ASIP: variants seen among roughly 807,000 people sequenced by gnomAD.
ASIP encodes the protein agouti-signaling protein.
ASIP carries 11 observed loss-of-function variants against 10.3 expected under a neutral mutation model. The observed-to-expected ratio is 1.07, with a 90% CI of 0.68 to 1.78. The LOEUF (loss-of-function observed/expected upper bound fraction) is 1.78, where lower values mean the gene tolerates loss of function less well. Ranked by LOEUF, ASIP falls within the 40% of genes most tolerant of loss-of-function variation. The pLI is 0.00. For synonymous variants in ASIP, 70 were observed against 70.8 expected (o/e 0.99, Z 0.06); for missense variants, 180 against 169.2 (o/e 1.06, Z -0.35).
chr20:34,215,979 T>A, intron 1 of ASIP: 1 of 740,414 alleles, frequency 1.4e-6, no homozygotes, highest in Admixed American at 1.7e-5. Context: ...TCCCTATCAC[T>A]CCAGCCCGCC....
intron 1 of ASIP, among the ~76,000 whole-genome samples, chr20:34,198,886 C>G (rs557403280): frequency 1.4e-4 from 21 of 152,202 alleles, no homozygotes; most frequent in Non-Finnish European, 2.1e-4. Flanking sequence ...GAATCTAGAT[C>G]TAGAAACAGA....
intron 3 of ASIP, 83 bp from the exon 4 acceptor site, chr20:34,268,908 T>C (rs533809052): frequency 4.1e-5 from 62 of 1,507,928 alleles, no homozygotes; most frequent in Non-Finnish European, 5.0e-5. Flanking sequence ...GGGATCTCCC[T>C]AGCCCGAGGA....
At chr20:34,250,726 G>C (rs2035460657) in intron 1 of ASIP, among the ~76,000 whole-genome samples, 1 of 152,130 alleles carries the variant, frequency 6.6e-6, no homozygotes, top group South Asian at 2.1e-4. Context: ...GAACCCGGGA[G>C]GTGGAGGTGC....
At chr20:34,194,061 C>G (rs557119491), upstream of ASIP, among the ~76,000 whole-genome samples, 4 of 152,282 alleles carry the variant, frequency 2.6e-5, no homozygotes, top group African/African-American at 9.6e-5. Context: ...GTCCCCTTTA[C>G]CCCACAATTG....
At chr20:34,193,010 G>A (rs773837759), upstream of ASIP, among the ~76,000 whole-genome samples, 3 of 152,056 alleles carry the variant, frequency 2.0e-5, no homozygotes, top group Admixed American at 2.0e-4. Flanking sequence ...GTTAACTATA[G>A]TTGCCCTTTT....
At chr20:34,189,536 CT>C in the ASIP span, among the ~76,000 whole-genome samples, 1 of 151,980 alleles carries the variant, frequency 6.6e-6, no homozygotes, top group Non-Finnish European at 1.5e-5. Flanking sequence ...GCCACCACAC[CT>C]GGCCCTGCTC....
At chr20:34,218,688 T>A (rs2035025711) in intron 1 of ASIP, among the ~76,000 whole-genome samples, 2 of 149,158 alleles carry the variant, frequency 1.3e-5, no homozygotes, top group African/African-American at 4.9e-5. Flanking sequence ...TTTCAGCAAT[T>A]TTTTTTTTTT....
chr20:34,248,752 G>C (rs1040312598), intron 1 of ASIP, among the ~76,000 whole-genome samples: 5 of 151,832 alleles, frequency 3.3e-5, no homozygotes, highest in Non-Finnish European at 4.4e-5. Flanking sequence ...GTGAGCTATG[G>C]TCTTGCCATT....
chr20:34,258,184 T>C (rs928261009), intron 1 of ASIP, among the ~76,000 whole-genome samples: 3 of 151,698 alleles, frequency 2.0e-5, no homozygotes, highest in African/African-American at 7.3e-5. Flanking sequence ...AATAGTTAAG[T>C]GCTCCATCGG....
At chr20:34,233,134 G>A (rs897905543) in intron 1 of ASIP, among the ~76,000 whole-genome samples, 1 of 148,442 alleles carries the variant, frequency 6.7e-6, no homozygotes, top group Non-Finnish European at 1.5e-5. Flanking sequence ...ACTGTGAATG[G>A]GACAAGAGCT....
At chr20:34,232,171 T>C (rs551904411) in intron 1 of ASIP, among the ~76,000 whole-genome samples, 1 of 152,340 alleles carries the variant, frequency 6.6e-6, no homozygotes, top group East Asian at 1.9e-4. Flanking sequence ...AAGCAGTAAG[T>C]GAGCTTGCTT....
intron 1 of ASIP, among the ~76,000 whole-genome samples, chr20:34,218,575 C>G (rs1207466475): frequency 6.6e-6 from 1 of 152,150 alleles, no homozygotes; most frequent in Non-Finnish European, 1.5e-5. Flanking sequence ...ATCTGCTCAC[C>G]CACCCTAGCT....
intron 2 of ASIP, 90 bp downstream of exon 2, chr20:34,260,624 A>C: frequency 7.4e-7 from 1 of 1,358,358 alleles, no homozygotes; most frequent in Non-Finnish European, 1.0e-6. Context: ...ATCCACCGCC[A>C]TGGTCACGGC....
At chr20:34,215,334 T>C (rs1287882235) in intron 1 of ASIP, 3 of 1,572,840 alleles carry the variant, frequency 1.9e-6, no homozygotes, top group African/African-American at 2.7e-5. Context: ...TTTGGTACCA[T>C]GATTCCACCA....
chr20:34,196,691 T>C (rs1468824138), intron 1 of ASIP, among the ~76,000 whole-genome samples: 1 of 152,180 alleles, frequency 6.6e-6, no homozygotes, highest in African/African-American at 2.4e-5. Context: ...AGTCTGTAAT[T>C]AGTTCCCATA....
At chr20:34,252,397 T>A (rs1450815353) in intron 1 of ASIP, among the ~76,000 whole-genome samples, 1 of 152,160 alleles carries the variant, frequency 6.6e-6, no homozygotes, top group Non-Finnish European at 1.5e-5. Flanking sequence ...CATGAGTAAG[T>A]TCAAGGAAAG....
Position 34,207,550 on chromosome 20 carries a change from T to C in ASIP, c.-11+12790T>C, listed in dbSNP as rs190182305. Among the ~76,000 whole-genome samples, 468 of 152,268 alleles carry C rather than the reference T, an allele frequency of 3.1e-3. 3 individuals are homozygous for C. The highest frequency in any genetic ancestry group is 4.9e-3 in the Non-Finnish European group (336 of 68,004). On this transcript the variant is annotated intron_variant, in intron 1 of 3. Coordinates refer to the ASIP transcript ENST00000568305. ...CCTTGATATTATCGCATTTGTCCATTTTTGCTTTGGTTGCTTGTGCTTTTG... is the reference window on the plus strand; with the variant it reads ...CCTTGATATTATCGCATTTGTCCATCTTTGCTTTGGTTGCTTGTGCTTTTG...
At chr20:34,258,349 T>C (rs1426388790) in intron 1 of ASIP, among the ~76,000 whole-genome samples, 1 of 150,662 alleles carries the variant, frequency 6.6e-6, no homozygotes, top group Non-Finnish European at 1.5e-5. Context: ...GGATATTCTT[T>C]TTTTTTTTTT....
intron 1 of ASIP, among the ~76,000 whole-genome samples, chr20:34,226,256 A>G: frequency 6.6e-6 from 1 of 152,182 alleles, no homozygotes; most frequent in Admixed American, 6.5e-5. Flanking sequence ...TTGTCCATGT[A>G]ATTTGCCATT....
Sources: gnomAD v4.1 joint callset for allele counts (sites outside exome capture counted in the v4.1 genomes callset) on GRCh38, gnomAD v4.1.1 for gene constraint, MANE v1.5 for transcripts, NCBI Gene and HGNC (gene_info 2026-07-23, HGNC 2026-07-21) for gene names.